The following FNDC1 variants were observed in gnomAD, a reference collection of about 807,000 sequenced individuals.
FNDC1 encodes the protein fibronectin type III domain containing 1.
A neutral mutation model predicts 168.0 loss-of-function variants in FNDC1; 96 were observed. The ratio of observed to expected loss-of-function variants is 0.57; its 90% CI spans 0.48 to 0.68. The LOEUF is 0.68. Ranked by LOEUF, FNDC1 falls within the 30% of genes least tolerant of loss-of-function variation. The probability of loss-of-function intolerance (pLI) is 0.00; values close to 1 mark genes in which losing one functional copy is unlikely to be tolerated. For synonymous variants in FNDC1, 1,099 were observed against 1,025.9 expected (o/e 1.07, Z -1.36); for missense variants, 2,587 against 2,482.1 (o/e 1.04, Z -0.90).
chr6:159,178,576 T>C (rs1225882431), intron 1 of FNDC1, among the ~76,000 whole-genome samples: 1 of 152,092 alleles, frequency 6.6e-6, no homozygotes, highest in East Asian at 1.9e-4. Flanking sequence ...CTTCCTCCCA[T>C]CCACCCCAGA....
rs373921511 is a variant in FNDC1 at position 159,231,612 on chromosome 6, A to G, written c.1370-270A>G. On this transcript the variant is annotated intron_variant, in intron 10 of 22. Coordinates refer to ENST00000297267, the MANE Select transcript of FNDC1 (RefSeq NM_032532.3). ...AAGTACTCATTTCAGAATTTCTTCA[A>G]ATAATAAGATGTGGCATAACCTGGT... Among the ~76,000 whole-genome samples, 2 of 152,370 alleles carry G rather than the reference A, an allele frequency of 1.3e-5. No individual in the cohort carries two copies. The highest frequency in any genetic ancestry group is 2.4e-5 in the African/African-American group (1 of 41,592).
intron 1 of FNDC1, among the ~76,000 whole-genome samples, chr6:159,196,321 T>C (rs778587644): frequency 9.9e-5 from 15 of 152,240 alleles, no homozygotes; most frequent in Non-Finnish European, 1.8e-4. Context: ...TCTTCTTTCA[T>C]CCCTTGAATT....
intron 1 of FNDC1, among the ~76,000 whole-genome samples, chr6:159,181,204 G>C (rs1393460024): frequency 1.3e-5 from 2 of 152,162 alleles, no homozygotes; most frequent in African/African-American, 4.8e-5. Context: ...TCTCATTGTG[G>C]TTTTGACTTG....
chr6:159,173,930 AG>A (rs1375769904), intron 1 of FNDC1, among the ~76,000 whole-genome samples: 1 of 152,132 alleles, frequency 6.6e-6, no homozygotes, highest in Admixed American at 6.5e-5. Flanking sequence ...TCAAGGGATG[AG>A]GGGGGCAGGG....
At chr6:159,269,514 G>GCATCCATCTATCCATC (rs1374245268) in intron 22 of FNDC1, among the ~76,000 whole-genome samples, 1,425 of 85,888 alleles carry the variant, frequency 0.017, 57 homozygotes, top group Middle Eastern at 0.025. Flanking sequence ...ATCCATCCAT[G>GCATCCATCTATCCATC]CATCCATCCA....
At position 159,238,683 on chromosome 6, in the gene FNDC1, T is replaced by C; in HGVS notation, c.4180+18T>C. 1 of 1,509,972 alleles carries C rather than the reference T, an allele frequency of 6.6e-7. No individual in the cohort carries two copies. The highest frequency in any genetic ancestry group is 9.1e-7 in the Non-Finnish European group (1 of 1,103,484). The allele number at this position is 1,509,972 out of a possible 1,614,324, so 93.5% of individuals were successfully genotyped here. On this transcript the variant is annotated intron_variant, in intron 13 of 22. Transcript: ENST00000297267. ...CATTGTAGGTAAGGGAGAATGGTTT[T>C]TAAAGAATAAAAGCCTACTGAATTA...
chr6:159,249,091 T>C lies in FNDC1; in HGVS notation c.4743T>C (p.Thr1581=). ...CAACCACCACTGAGCCTTCGACCAC[T>C]GCTACCACACCGAGGGTGATCCCAG... ...RPPTTTEPST[T]ATTPRVIPEE... Residue 1581 remains threonine, a synonymous_variant, in exon 16 of 23, where the codon ACT becomes ACC. Coordinates refer to ENST00000297267, the MANE Select transcript of FNDC1 (RefSeq NM_032532.3). 4 of 1,607,078 alleles carry C rather than the reference T, an allele frequency of 2.5e-6. No individual in the cohort carries two copies. The highest frequency in any genetic ancestry group is 2.2e-5 in the South Asian group (2 of 89,246).
intron 2 of FNDC1, among the ~76,000 whole-genome samples, chr6:159,199,168 C>T (rs1217887573): frequency 2.0e-5 from 3 of 152,254 alleles, no homozygotes; most frequent in Non-Finnish European, 4.4e-5. Context: ...ACCCCACTTA[C>T]CTGTCACAAG....
rs1270315147 is a variant in FNDC1, at chr6:159,242,013, A to G, written c.4621+2056A>G. Reference sequence around the variant, plus strand: ...TGTGATAAGAAATTAAATTTTTACTATTACAAAGATACATGCACATGTATG... The same window carrying G: ...TGTGATAAGAAATTAAATTTTTACTGTTACAAAGATACATGCACATGTATG... On this transcript the variant is annotated intron_variant, in intron 14 of 22. Coordinates refer to ENST00000297267, the MANE Select transcript of FNDC1 (RefSeq NM_032532.3). Among the ~76,000 whole-genome samples, 3 of 152,316 alleles carry G rather than the reference A, an allele frequency of 2.0e-5. No individual in the cohort carries two copies. In the South Asian group the frequency reaches 6.2e-4, roughly 32 times the overall value.
At chr6:159,212,760 C>A (rs1782633268) in intron 4 of FNDC1, among the ~76,000 whole-genome samples, 1 of 152,226 alleles carries the variant, frequency 6.6e-6, no homozygotes, top group Non-Finnish European at 1.5e-5. Context: ...GCAAAGCAGT[C>A]ATGTGTTTAT....
chr6:159,228,097 G>T (rs1238882675), intron 9 of FNDC1, among the ~76,000 whole-genome samples: 1 of 152,060 alleles, frequency 6.6e-6, no homozygotes, highest in African/African-American at 2.4e-5. Context: ...TGCACCTCTG[G>T]TGACTTTATT....
intron 18 of FNDC1, among the ~76,000 whole-genome samples, chr6:159,260,208 G>A (rs950661595): frequency 6.6e-6 from 1 of 152,302 alleles, no homozygotes; most frequent in Non-Finnish European, 1.5e-5. Flanking sequence ...TCTGTAAGTA[G>A]CTAAGCACTA....
At chr6:159,249,471 G>T (rs546987195) in intron 16 of FNDC1, among the ~76,000 whole-genome samples, 1 of 152,150 alleles carries the variant, frequency 6.6e-6, no homozygotes, top group African/African-American at 2.4e-5. Context: ...TCTGGACCAG[G>T]GAACATGAGT....
At chr6:159,268,719 C>CTTCCATCT (rs1284706396) in intron 22 of FNDC1, among the ~76,000 whole-genome samples, 1 of 79,918 alleles carries the variant, frequency 1.3e-5, no homozygotes, top group Non-Finnish European at 3.3e-5. Flanking sequence ...TCCATTTATG[C>CTTCCATCT]ATCCATCTAT....
chr6:159,224,594 C>T (rs1345873200), intron 7 of FNDC1, among the ~76,000 whole-genome samples: 1 of 152,140 alleles, frequency 6.6e-6, no homozygotes, highest in Non-Finnish European at 1.5e-5. Flanking sequence ...CGTAGCAATT[C>T]TCTCCCTAGC....
intron 11 of FNDC1, 110 bp downstream of exon 11, chr6:159,234,589 G>A (rs1783205601): frequency 4.0e-6 from 4 of 997,180 alleles, no homozygotes; most frequent in African/African-American, 3.2e-5. Context: ...TCCACGCACC[G>A]TGTTAAGAGC....
At chr6:159,184,796 C>A (rs112995420) in intron 1 of FNDC1, among the ~76,000 whole-genome samples, 6 of 152,194 alleles carry the variant, frequency 3.9e-5, no homozygotes, top group African/African-American at 1.4e-4. Context: ...GCTGGACTAG[C>A]AAACAATGGT....
At chr6:159,256,794 A>G (rs1777383013) in intron 18 of FNDC1, among the ~76,000 whole-genome samples, 163 bp downstream of exon 18, 1 of 152,246 alleles carries the variant, frequency 6.6e-6, no homozygotes, top group Non-Finnish European at 1.5e-5. Flanking sequence ...ATGTCATATA[A>G]GTTTCTTAGA....
intron 1 of FNDC1, among the ~76,000 whole-genome samples, chr6:159,182,639 G>A (rs1781905274): frequency 6.6e-6 from 1 of 152,216 alleles, no homozygotes; most frequent in African/African-American, 2.4e-5. Flanking sequence ...GTAGATTGAA[G>A]CCCATTGCCT....
Sources: allele counts gnomAD v4.1 joint callset (sites outside exome capture counted in the v4.1 genomes callset), GRCh38; gene constraint gnomAD v4.1.1; transcripts MANE v1.5; gene names NCBI Gene and HGNC (gene_info 2026-07-23, HGNC 2026-07-21).